Variants in FOXP4 observed in about 807,000 individuals in gnomAD.
The protein encoded by FOXP4 is forkhead box P4, also known as forkhead box protein P4.
FOXP4 carries 25 observed loss-of-function variants against 82.6 expected under a neutral mutation model. That is an observed-to-expected ratio of 0.30 (90% CI 0.22 to 0.42). The LOEUF is 0.42. FOXP4 is among the 10% of genes least tolerant of loss of function. The pLI is 1.00. For synonymous variants in FOXP4, 415 were observed against 388.2 expected (o/e 1.07, Z -0.81); for missense variants, 785 against 900.9 (o/e 0.87, Z 1.65).
rs1451926269 is a variant in FOXP4 at position 41,546,834 on chromosome 6, G to C, written c.-50G>C. The C allele has an allele frequency of 2.0e-5, 3 of 149,224 alleles. No individual in the cohort carries two copies. Among genetic ancestry groups the C allele is most frequent in the African/African-American group, 7.3e-5 (3 of 40,976 alleles). The allele number at this position is 149,224 out of a possible 1,614,324, so 9.2% of individuals were successfully genotyped here. A position where few individuals can be genotyped will look rare whatever the true frequency, so the allele number is the denominator to read the frequency against. On this transcript the variant is annotated 5_prime_UTR_variant, in exon 1 of 17. Coordinates refer to ENST00000307972, the MANE Select transcript of FOXP4 (RefSeq NM_001012426.2). ...CCCCATGCCCCGCGCGGGCTGACGGGCCGGAGCCCGCACGGAGCGGCCGGG... is the reference window on the plus strand; with the variant it reads ...CCCCATGCCCCGCGCGGGCTGACGGCCCGGAGCCCGCACGGAGCGGCCGGG...
At chr6:41,562,853 C>A (rs1764665484) in intron 1 of FOXP4, among the ~76,000 whole-genome samples, 1 of 152,192 alleles carries the variant, frequency 6.6e-6, no homozygotes, top group Admixed American at 6.5e-5. Context: ...GAGGCCCAGG[C>A]CCAAGTGGGG....
rs187629527 is a variant in FOXP4, at chr6:41,554,333, C to T, written c.-17+7466C>T. Among the ~76,000 whole-genome samples the T allele has an allele frequency of 6.6e-5, 10 of 152,302 alleles. No individual in the cohort carries two copies. The East Asian group carries it at 1.9e-3, about 29-fold the overall frequency. ...ATGGTAAATTTCACATAAATATCCC[C>T]ACTTCTGCTCCTTTTGAAAAACCCA... On this transcript the variant is annotated intron_variant, in intron 1 of 16. Coordinates refer to ENST00000307972, the MANE Select transcript of FOXP4 (RefSeq NM_001012426.2).
rs868669871 is a variant in FOXP4 at position 41,587,614 on chromosome 6, G to A, written c.872+102G>A. 41 of 1,077,440 alleles carry A rather than the reference G, an allele frequency of 3.8e-5. No homozygotes were observed. In the African/African-American group the frequency reaches 5.3e-4, roughly 14 times the overall value. The allele number at this position is 1,077,440 out of a possible 1,614,324, so 66.7% of individuals were successfully genotyped here. On this transcript the variant is annotated intron_variant, in intron 7 of 16. Transcript: ENST00000307972. ...CTGTGAGGGAGGGGGTGGAGCCCACGGACCGGAGGTTCACTCCCTCTCCAC... is the reference window on the plus strand; with the variant it reads ...CTGTGAGGGAGGGGGTGGAGCCCACAGACCGGAGGTTCACTCCCTCTCCAC...
intron 7 of FOXP4, 87 bp from the exon 8 acceptor site, chr6:41,587,706 C>T (rs1766234409): frequency 1.0e-6 from 1 of 989,480 alleles, no homozygotes; most frequent in African/African-American, 1.6e-5. Flanking sequence ...AGAAATGTCA[C>T]CAGCAGGGGA....
intron 1 of FOXP4, among the ~76,000 whole-genome samples, chr6:41,552,941 G>T (rs528552621): frequency 6.6e-6 from 1 of 152,140 alleles, no homozygotes; most frequent in South Asian, 2.1e-4. Flanking sequence ...CTTCTCTCTG[G>T]GCCTCAGTTT....
intron 13 of FOXP4, 78 bp from the exon 14 acceptor site, chr6:41,594,792 A>G (rs9367109): frequency 0.34 from 541,282 of 1,579,270 alleles, 98,553 homozygotes; most frequent in African/African-American, 0.69. Flanking sequence ...TGCGTGGGAC[A>G]TGGGATGGGA....
At chr6:41,594,254 T>C (rs2127404121) in intron 13 of FOXP4, among the ~76,000 whole-genome samples, 1 of 152,328 alleles carries the variant, frequency 6.6e-6, no homozygotes, top group East Asian at 1.9e-4. Context: ...CACTCTCCTC[T>C]CTCCCTGTTT....
Position 41,600,883 on chromosome 6 carries a change from C to T in FOXP4, c.*1947C>T, listed in dbSNP as rs1767187245. ...GGGTTCTCTGTCATTTTCCTGTTTT[C>T]TTCCAGAGTCCCAATCCTTTGCCCT... On this transcript the variant is annotated 3_prime_UTR_variant, in exon 17 of 17. Transcript: ENST00000307972. 6.6e-6 allele frequency: 1 copy of T among 152,310 alleles called. No individual in the cohort carries two copies. Among genetic ancestry groups the T allele is most frequent in the Non-Finnish European group, 1.5e-5 (1 of 68,054 alleles). The allele number at this position is 152,310 out of a possible 1,614,324, so 9.4% of individuals were successfully genotyped here.
chr6:41,559,522 A>T (rs941888847), intron 1 of FOXP4, among the ~76,000 whole-genome samples: 6 of 152,176 alleles, frequency 3.9e-5, no homozygotes, highest in African/African-American at 1.4e-4. Flanking sequence ...CTAGAAAAAA[A>T]AGAGAAGGGG....
rs1349164353 is a variant in FOXP4 at position 41,591,917 on chromosome 6, A to T, written c.1536+595A>T. 1.3e-5 allele frequency among the ~76,000 whole-genome samples: 2 copies of T among 152,148 alleles called. No homozygotes were observed. The highest frequency in any genetic ancestry group is 6.5e-5 in the Admixed American group (1 of 15,276). On this transcript the variant is annotated intron_variant, in intron 13 of 16. Coordinates refer to ENST00000307972, the MANE Select transcript of FOXP4 (RefSeq NM_001012426.2). This position sits in a 1 kb window ranked among gnomAD's most constrained non-coding sequence, Gnocchi z 4.2. ...TTTTCCTGGGAGAGCAGAAGCAGGC[A>T]AGAGGGGGACTCTAGAAAAATGGGA...
chr6:41,597,975 C>T (rs769560922), intron 16 of FOXP4, 25 bp downstream of exon 16: 1 of 1,462,016 alleles, frequency 6.8e-7, no homozygotes, highest in Non-Finnish European at 9.1e-7. Context: ...CGGACCCCCA[C>T]CCACCCCAGC....
intron 2 of FOXP4, among the ~76,000 whole-genome samples, chr6:41,571,981 C>T (rs1306818431): frequency 1.3e-5 from 2 of 152,160 alleles, no homozygotes; most frequent in Admixed American, 6.5e-5. Context: ...GCTTATTAGG[C>T]ATCCATTGTT....
intron 1 of FOXP4, among the ~76,000 whole-genome samples, chr6:41,549,248 A>G (rs1244643310): frequency 6.6e-6 from 1 of 152,116 alleles, no homozygotes; most frequent in Non-Finnish European, 1.5e-5. Flanking sequence ...TGTCCTGGAC[A>G]GGTTTCCCAG....
chr6:41,597,699 TG>T (rs1766933558), intron 15 of FOXP4, 81 bp from the exon 16 acceptor site: 127 of 1,499,652 alleles, frequency 8.5e-5, no homozygotes, highest in Non-Finnish European at 1.1e-4. Flanking sequence ...AGCTCTCTAG[TG>T]GGCGGGGAAG....
chr6:41,575,268 A>G (rs1283235927), intron 2 of FOXP4, among the ~76,000 whole-genome samples: 1 of 152,188 alleles, frequency 6.6e-6, no homozygotes, highest in Non-Finnish European at 1.5e-5. Flanking sequence ...GCGCCTGGCT[A>G]TCATTCTTTA....
intron 2 of FOXP4, chr6:41,570,121 G>A: frequency 3.9e-6 from 1 of 254,176 alleles, no homozygotes; most frequent in Non-Finnish European, 7.5e-6. Flanking sequence ...CACACACGCA[G>A]TCAACAGTTG....
chr6:41,581,220 C>T (rs1765781590), intron 3 of FOXP4, among the ~76,000 whole-genome samples: 1 of 152,220 alleles, frequency 6.6e-6, no homozygotes, highest in African/African-American at 2.4e-5. Flanking sequence ...CTGGCCTGAT[C>T]TCCCCACATT....
chr6:41,572,390 C>T (rs1765251679), intron 2 of FOXP4, among the ~76,000 whole-genome samples: 1 of 152,192 alleles, frequency 6.6e-6, no homozygotes, highest in African/African-American at 2.4e-5. Context: ...TGTCTCGGCC[C>T]ATTAGAACGT....
intron 2 of FOXP4, among the ~76,000 whole-genome samples, chr6:41,566,364 CAG>C (rs1213657884): frequency 2.6e-5 from 4 of 152,192 alleles, no homozygotes; most frequent in Non-Finnish European, 5.9e-5. Flanking sequence ...GCTGTGCACA[CAG>C]GGGGATCTTC....
Sources: gnomAD v4.1 joint callset for allele counts (sites outside exome capture counted in the v4.1 genomes callset) on GRCh38, gnomAD v4.1.1 for gene constraint, Gnocchi (gnomAD v3.1) non-coding constraint, MANE v1.5 for transcripts, NCBI Gene and HGNC (gene_info 2026-07-23, HGNC 2026-07-21) for gene names.